The following SIPA1L1 variants were observed in gnomAD, a reference collection of about 807,000 sequenced individuals.
The protein encoded by SIPA1L1 is signal induced proliferation associated 1 like 1, also known as signal-induced proliferation-associated 1-like protein 1.
A neutral mutation model predicts 162.7 loss-of-function variants in SIPA1L1; 26 were observed. That is an observed-to-expected ratio of 0.16 (90% CI 0.12 to 0.22). The LOEUF is 0.22. SIPA1L1 is among the 10% of genes least tolerant of loss of function. The pLI, the probability that SIPA1L1 is intolerant of heterozygous loss-of-function variation, is 1.00. For missense variants in SIPA1L1, 1,874 were observed against 2,241.0 expected (o/e 0.84, Z 3.31); for synonymous variants, 829 against 837.4 (o/e 0.99, Z 0.17).
intron 20 of SIPA1L1, among the ~76,000 whole-genome samples, chr14:71,732,025 C>G (rs2084838604): frequency 6.6e-6 from 1 of 152,218 alleles, no homozygotes; most frequent in African/African-American, 2.4e-5. Context: ...TTGTGAGTTA[C>G]ACACAGAATT....
chr14:71,491,517 C>T (rs1193308270), intron 2 of SIPA1L1, among the ~76,000 whole-genome samples: 2 of 141,958 alleles, frequency 1.4e-5, no homozygotes, highest in Non-Finnish European at 3.2e-5. Flanking sequence ...AGGGAGCAAC[C>T]TGTTTGTTGT....
intron 2 of SIPA1L1, among the ~76,000 whole-genome samples, chr14:71,338,424 G>A (rs2035310121): frequency 6.6e-6 from 1 of 152,144 alleles, no homozygotes; most frequent in Admixed American, 6.5e-5. Context: ...GCTGGTCCAG[G>A]TGCTTGCAGT....
intron 5 of SIPA1L1, among the ~76,000 whole-genome samples, chr14:71,606,221 T>G (rs764113407): frequency 2.6e-5 from 4 of 152,118 alleles, no homozygotes; most frequent in Non-Finnish European, 4.4e-5. Flanking sequence ...CCTTCCCTTG[T>G]GCTTCAGCCG....
intron 22 of SIPA1L1, 80 bp from the exon 23 acceptor site, chr14:71,738,161 T>TAAAAAAAAAAAAAAAAAAAAAAAA (rs34549978): frequency 3.1e-6 from 1 of 324,174 alleles, no homozygotes; most frequent in African/African-American, 3.9e-5. Context: ...CTCCTCAGAG[T>TAAAAAAAAAAAAAAAAAAAAAAAA]AAAAAAAAAA....
chr14:71,693,964 C>T (rs768136622), intron 13 of SIPA1L1, among the ~76,000 whole-genome samples: 2 of 152,014 alleles, frequency 1.3e-5, no homozygotes, highest in Non-Finnish European at 2.9e-5. Context: ...GCCTTATGTC[C>T]TTGTACATAT....
intron 7 of SIPA1L1, among the ~76,000 whole-genome samples, chr14:71,637,472 A>G (rs758940343): frequency 6.6e-6 from 1 of 152,090 alleles, no homozygotes; most frequent in Non-Finnish European, 1.5e-5. Flanking sequence ...TGACACACCT[A>G]TAATCTCAGC....
intron 2 of SIPA1L1, among the ~76,000 whole-genome samples, chr14:71,374,231 T>C (rs954942084): frequency 3.9e-5 from 6 of 152,164 alleles, no homozygotes; most frequent in African/African-American, 9.7e-5. Context: ...ACCGGAGATA[T>C]TTGATATAGG....
intron 8 of SIPA1L1, among the ~76,000 whole-genome samples, chr14:71,655,057 A>G (rs1415661367): frequency 2.0e-5 from 3 of 152,128 alleles, no homozygotes; most frequent in Non-Finnish European, 4.4e-5. Context: ...CCAAATAGTG[A>G]GCATAGTACC....
At chr14:71,463,873 A>C (rs1356581925) in intron 2 of SIPA1L1, among the ~76,000 whole-genome samples, 1 of 152,216 alleles carries the variant, frequency 6.6e-6, no homozygotes, top group Admixed American at 6.5e-5. Flanking sequence ...GAGTCAGATT[A>C]TTCTGATTGC....
At chr14:71,613,974 G>A (rs1406870665) in intron 5 of SIPA1L1, among the ~76,000 whole-genome samples, 1 of 152,032 alleles carries the variant, frequency 6.6e-6, no homozygotes, top group Non-Finnish European at 1.5e-5. Flanking sequence ...AGCTGAGGTG[G>A]GAAGATCACC....
chr14:71,563,888 A>G (rs1016825842), intron 4 of SIPA1L1, among the ~76,000 whole-genome samples: 4 of 152,200 alleles, frequency 2.6e-5, no homozygotes, highest in African/African-American at 7.2e-5. Flanking sequence ...TGCTTTCCAC[A>G]GTCATACAGA....
chr14:71,579,252 T>C (rs1348922340), intron 4 of SIPA1L1, among the ~76,000 whole-genome samples: 1 of 152,260 alleles, frequency 6.6e-6, no homozygotes, highest in Non-Finnish European at 1.5e-5. Context: ...ATATCTTACA[T>C]GTATTTTCTG....
At chr14:71,648,122 T>C (rs1309962147) in intron 7 of SIPA1L1, among the ~76,000 whole-genome samples, 2 of 152,118 alleles carry the variant, frequency 1.3e-5, no homozygotes, top group Non-Finnish European at 2.9e-5. Context: ...AAACCCCATC[T>C]CTACTAAAAA....
chr14:71,455,556 T>G (rs904402678), intron 2 of SIPA1L1, among the ~76,000 whole-genome samples: 4 of 152,326 alleles, frequency 2.6e-5, no homozygotes, highest in African/African-American at 9.6e-5. Flanking sequence ...TTCCGAATGC[T>G]TATTGAAAGA....
intron 3 of SIPA1L1, among the ~76,000 whole-genome samples, chr14:71,513,391 G>A (rs2051364957): frequency 6.6e-6 from 1 of 151,912 alleles, no homozygotes; most frequent in Admixed American, 6.6e-5. Flanking sequence ...TATCAGTCAG[G>A]GTTCTCCAGA....
intron 4 of SIPA1L1, among the ~76,000 whole-genome samples, chr14:71,562,973 T>C (rs2056911465): frequency 1.3e-5 from 2 of 152,156 alleles, no homozygotes; most frequent in African/African-American, 4.8e-5. Flanking sequence ...TCATAGCACT[T>C]TGTAGCATGT....
chr14:71,577,835 A>G (rs145602320), intron 4 of SIPA1L1, among the ~76,000 whole-genome samples: 3 of 146,382 alleles, frequency 2.0e-5, no homozygotes, highest in Non-Finnish European at 4.4e-5. Context: ...GAGCTCAAGC[A>G]GCCCTGCCAC....
Position 71,672,471 on chromosome 14 carries a change from C to A in SIPA1L1, c.2953C>A (p.Gln985Lys). The change falls in exon 12 of 24, where the codon CAG (glutamine) becomes AAG (lysine). Residue 985 changes from glutamine to lysine, a missense_variant. By Grantham distance (53) the Gln-to-Lys change is moderately conservative. Around this residue, in one of 5 missense-constraint regions of SIPA1L1, gnomAD observed 936 missense variants for 1,051.9 expected, o/e 0.89. Coordinates refer to ENST00000381232, the MANE Select transcript of SIPA1L1 (RefSeq NM_001386936.1). ...ADVEPYGYAW[Q>K]AGLRQGSRLV... The stretch of plus-strand genomic sequence containing the variant: ...TGTGGAGCCCTACGGTTATGCCTGG[C>A]AGGCAGGGCTGAGGCAGGGCAGTCG... 6.2e-7 allele frequency: 1 copy of A among 1,614,214 alleles called. No homozygotes were observed. The highest frequency in any genetic ancestry group is 8.5e-7 in the Non-Finnish European group (1 of 1,180,030).
At chr14:71,551,895 T>G (rs1228465100) in intron 4 of SIPA1L1, among the ~76,000 whole-genome samples, 1 of 152,220 alleles carries the variant, frequency 6.6e-6, no homozygotes, top group African/African-American at 2.4e-5. Context: ...CATCTTATCT[T>G]AAATGACTAC....
Sources: gnomAD v4.1 joint callset for allele counts (sites outside exome capture counted in the v4.1 genomes callset) on GRCh38, gnomAD v4.1.1 for gene constraint, gnomAD v4.1.1 regional missense constraint, MANE v1.5 for transcripts, NCBI Gene and HGNC (gene_info 2026-07-23, HGNC 2026-07-21) for gene names.